The following MEIS2 variants were observed in gnomAD, a reference collection of about 807,000 sequenced individuals.
MEIS2 encodes the protein homeobox protein Meis2.
In MEIS2, 9 loss-of-function variants were observed where a neutral mutation model predicts 58.6. The ratio of observed to expected loss-of-function variants is 0.15; its 90% CI spans 0.09 to 0.27. The LOEUF is 0.27. MEIS2 is among the 10% of genes least tolerant of loss of function. The pLI, the probability that MEIS2 is intolerant of heterozygous loss-of-function variation, is 1.00. For missense variants in MEIS2, 427 were observed against 635.0 expected (o/e 0.67, Z 3.52); for synonymous variants, 221 against 228.4 (o/e 0.97, Z 0.29).
At chr15:36,942,773 T>A (rs981168647) in intron 9 of MEIS2, among the ~76,000 whole-genome samples, 2 of 151,826 alleles carry the variant, frequency 1.3e-5, no homozygotes, top group Non-Finnish European at 2.9e-5. Flanking sequence ...GAAAAAAAAA[T>A]TACTGGTAAA....
chr15:37,099,047 C>T (rs1894761733), intron 1 of MEIS2: 2 of 983,720 alleles, frequency 2.0e-6, no homozygotes, highest in Non-Finnish European at 1.2e-6. Flanking sequence ...CCTACGCAGC[C>T]CGTGCCCGCC....
At chr15:36,963,657 G>A (rs934329986) in intron 8 of MEIS2, among the ~76,000 whole-genome samples, 1 of 152,124 alleles carries the variant, frequency 6.6e-6, no homozygotes, top group Admixed American at 6.5e-5. Context: ...ACTACTACAA[G>A]GAATGAATAA....
At chr15:36,966,515 A>G (rs1161467801) in intron 8 of MEIS2, among the ~76,000 whole-genome samples, 2 of 152,128 alleles carry the variant, frequency 1.3e-5, no homozygotes, top group African/African-American at 4.8e-5. Context: ...AAAACCTTGA[A>G]GGAGATACTG....
chr15:36,895,402 G>A (rs2056121754), intron 10 of MEIS2, 141 bp from the exon 11 acceptor site: 2 of 667,284 alleles, frequency 3.0e-6, no homozygotes, highest in Non-Finnish European at 5.1e-6. Flanking sequence ...GTTTGTCTGA[G>A]TGTCTTGATG....
chr15:37,083,628 A>G (rs1278612813), intron 7 of MEIS2, 143 bp downstream of exon 7: 6 of 560,200 alleles, frequency 1.1e-5, no homozygotes, highest in Non-Finnish European at 1.8e-5. Flanking sequence ...AAGAGGAAAT[A>G]CTGTCTCTTT....
intron 7 of MEIS2, among the ~76,000 whole-genome samples, chr15:37,057,704 T>C (rs1452279122): frequency 3.3e-5 from 5 of 152,126 alleles, no homozygotes; most frequent in South Asian, 4.1e-4. Context: ...TTTACTAGGC[T>C]TTTTTGTCTT....
chr15:36,928,854 T>C (rs1484561972), intron 9 of MEIS2, among the ~76,000 whole-genome samples: 2 of 152,186 alleles, frequency 1.3e-5, no homozygotes, highest in Non-Finnish European at 2.9e-5. Flanking sequence ...TCATTCTGGA[T>C]GGCTGAGGAC....
At chr15:37,071,988 GCA>G (rs993010837) in intron 7 of MEIS2, among the ~76,000 whole-genome samples, 1 of 152,026 alleles carries the variant, frequency 6.6e-6, no homozygotes, top group African/African-American at 2.4e-5. Flanking sequence ...TATGGTGCCT[GCA>G]CTGAGGGAGA....
intron 8 of MEIS2, among the ~76,000 whole-genome samples, chr15:37,029,698 G>A (rs78898601): frequency 0.017 from 2,661 of 152,246 alleles, 74 homozygotes; most frequent in African/African-American, 0.059. Context: ...TGTGCAGCAC[G>A]TTACAGTTTA....
chr15:36,905,708 A>AT (rs1321477742), intron 9 of MEIS2, among the ~76,000 whole-genome samples: 1 of 152,232 alleles, frequency 6.6e-6, no homozygotes, highest in Non-Finnish European at 1.5e-5. Context: ...AATCTTCCAT[A>AT]TTCTATACTT....
At chr15:36,944,603 GC>G (rs2058493965) in intron 9 of MEIS2, among the ~76,000 whole-genome samples, 2 of 152,042 alleles carry the variant, frequency 1.3e-5, no homozygotes, top group African/African-American at 4.8e-5. Flanking sequence ...GCTCACCAAA[GC>G]TTTTTTGTAT....
chr15:37,048,834 T>C (rs911511836), intron 7 of MEIS2, among the ~76,000 whole-genome samples: 1 of 152,136 alleles, frequency 6.6e-6, no homozygotes, highest in Admixed American at 6.5e-5. Flanking sequence ...AAATGAACAA[T>C]AGTATTATGG....
intron 7 of MEIS2, among the ~76,000 whole-genome samples, chr15:37,067,025 C>T (rs999148753): frequency 1.3e-5 from 2 of 151,664 alleles, no homozygotes; most frequent in South Asian, 2.1e-4. Flanking sequence ...AAGTGATTCA[C>T]CTGCTTTGGC....
intron 9 of MEIS2, among the ~76,000 whole-genome samples, chr15:36,900,506 T>C (rs2056413470): frequency 6.6e-6 from 1 of 152,210 alleles, no homozygotes; most frequent in South Asian, 2.1e-4. Context: ...AATTATATAC[T>C]AAGACTGTTA....
At chr15:37,062,931 C>T (rs528970499) in intron 7 of MEIS2, among the ~76,000 whole-genome samples, 3 of 152,216 alleles carry the variant, frequency 2.0e-5, no homozygotes, top group Non-Finnish European at 2.9e-5. Context: ...TGGGGTAAGA[C>T]GTCTCTTCAG....
intron 9 of MEIS2, among the ~76,000 whole-genome samples, chr15:36,939,291 G>A (rs887632988): frequency 2.0e-5 from 3 of 152,106 alleles, no homozygotes; most frequent in African/African-American, 4.8e-5. Flanking sequence ...TATACACTGC[G>A]GTTCTGAATA....
At chr15:36,905,721 C>A (rs974718978) in intron 9 of MEIS2, among the ~76,000 whole-genome samples, 2 of 152,152 alleles carry the variant, frequency 1.3e-5, no homozygotes, top group Non-Finnish European at 2.9e-5. Flanking sequence ...CTATACTTCA[C>A]ATAAGACAAA....
intron 8 of MEIS2, among the ~76,000 whole-genome samples, chr15:36,971,553 A>AAAAAAAAAAAAAAAGAAAG (rs1555438306): frequency 3.8e-5 from 5 of 131,994 alleles, no homozygotes; most frequent in African/African-American, 1.7e-4. Flanking sequence ...AAAAAAAAAA[A>AAAAAAAAAAAAAAAGAAAG]AAAAAAAAAA....
At chr15:37,006,333 G>A (rs1232173038) in intron 8 of MEIS2, among the ~76,000 whole-genome samples, 2 of 152,168 alleles carry the variant, frequency 1.3e-5, no homozygotes, top group Non-Finnish European at 2.9e-5. Context: ...CCCTCTGAAG[G>A]ATACAGAATG....
Sources: allele counts gnomAD v4.1 joint callset (sites outside exome capture counted in the v4.1 genomes callset), GRCh38; gene constraint gnomAD v4.1.1; transcripts MANE v1.5; gene names NCBI Gene and HGNC (gene_info 2026-07-23, HGNC 2026-07-21).